Variants in TMEM82 observed in about 807,000 individuals in gnomAD.
TMEM82 encodes the protein transmembrane protein 82.
In TMEM82, 30 loss-of-function variants were observed where a neutral mutation model predicts 29.2. That is an observed-to-expected ratio of 1.03 (90% confidence interval 0.77 to 1.39). TMEM82 has a LOEUF of 1.39. TMEM82 is among the 40% of genes most tolerant of loss of function. The probability of loss-of-function intolerance (pLI) is 0.00; values close to 1 mark genes in which losing one functional copy is unlikely to be tolerated. For missense variants in TMEM82, 442 were observed against 447.7 expected (o/e 0.99, Z 0.12); for synonymous variants, 221 against 225.4 (o/e 0.98, Z 0.18).
Position 15,747,903 on chromosome 1 carries a change from G to T in TMEM82, c.*271G>T. The T allele has an allele frequency of 2.5e-6, 1 of 396,212 alleles. No homozygotes were observed. Among genetic ancestry groups the T allele is most frequent in the Non-Finnish European group, 4.5e-6 (1 of 222,300 alleles). 24.5% of individuals were successfully genotyped at this position (396,212 alleles called of 1,614,324 possible). ...GACCTGCCTTCCTGGGCAGGGGTGGGGGTGCATCCTCAGGAGGGCTCCCCC... is the reference window on the plus strand; with the variant it reads ...GACCTGCCTTCCTGGGCAGGGGTGGTGGTGCATCCTCAGGAGGGCTCCCCC... On this transcript the variant is annotated 3_prime_UTR_variant, in exon 6 of 6. Coordinates refer to ENST00000375782, the MANE Select transcript of TMEM82 (RefSeq NM_001013641.3).
chr1:15,747,678 G>A lies in TMEM82; in HGVS notation c.*46G>A. On this transcript the variant is annotated 3_prime_UTR_variant, in exon 6 of 6. Coordinates refer to ENST00000375782, the MANE Select transcript of TMEM82 (RefSeq NM_001013641.3). Reference sequence around the variant, plus strand: ...GAGTCTGTCTCAAGCCCACTAGCCTGATCTCCGAGGCCTTGACCCCAGGGC... The same window carrying A: ...GAGTCTGTCTCAAGCCCACTAGCCTAATCTCCGAGGCCTTGACCCCAGGGC... The A allele has an allele frequency of 1.3e-6, 2 of 1,545,214 alleles. No individual in the cohort carries two copies. The highest frequency in any genetic ancestry group is 8.9e-7 in the Non-Finnish European group (1 of 1,121,492).
chr1:15,742,988 C>A, intron 2 of TMEM82, 32 bp from the exon 3 acceptor site: 1 of 1,599,956 alleles, frequency 6.3e-7, no homozygotes, highest in African/African-American at 1.3e-5. Context: ...GGCAGTTCTG[C>A]ACCCCTGCCC....
At position 15,744,223 on chromosome 1, in the gene TMEM82, G is replaced by C. The variant is rs369364468; in HGVS notation, c.400G>C (p.Gly134Arg). The C allele has an allele frequency of 1.3e-6, 2 of 1,589,888 alleles. No homozygotes were observed. Among genetic ancestry groups the C allele is most frequent in the East Asian group, 2.3e-5 (1 of 44,272 alleles). Residue 134 changes from glycine (G) to arginine (R), a missense_variant, in exon 4 of 6, where the codon GGG becomes CGG. By Grantham distance (125) the Gly-to-Arg change is moderately radical (BLOSUM62 -2). Coordinates refer to ENST00000375782, the MANE Select transcript of TMEM82 (RefSeq NM_001013641.3). This position sits in a 1 kb window ranked among gnomAD's most constrained non-coding sequence, Gnocchi z 5.2. ...GCTGTGCCAGTACTCGCTGGGCTGC[G>C]GGCTGACCTGTGGCCTGAGCTTCCT... is the stretch of plus-strand genomic sequence containing the variant. Reference protein sequence around the residue: ...YLLCQYSLGCGLTCGLSFLQE... With the variant: ...YLLCQYSLGCRLTCGLSFLQE...
rs2068322420 is a variant in TMEM82 at position 15,744,801 on chromosome 1, T to C, written c.757+221T>C. 6.6e-6 allele frequency among the ~76,000 whole-genome samples: 1 copy of C among 152,144 alleles called. No homozygotes were observed. Among genetic ancestry groups the C allele is most frequent in the Non-Finnish European group, 1.5e-5 (1 of 68,030 alleles). ...CTTTGAAGGATGAGCAGGAGATCCC[T>C]AAGAGAAGCGAGGCAGGGAACAGAA... On this transcript the variant is annotated intron_variant, in intron 4 of 5. Transcript: ENST00000375782. The surrounding 1 kb of genome is among the most constrained non-coding windows in gnomAD (Gnocchi z 5.2).
chr1:15,742,733 C>T (rs575806417), intron 1 of TMEM82, 86 bp downstream of exon 1: 73 of 1,515,598 alleles, frequency 4.8e-5, no homozygotes, highest in African/African-American at 3.8e-4. Context: ...CCTGGTCTCC[C>T]GACACCCCTG....
At position 15,742,551 on chromosome 1, in the gene TMEM82, G is replaced by C; in HGVS notation, c.-9G>C. 6.4e-7 allele frequency: 1 copy of C among 1,570,388 alleles called. No individual in the cohort carries two copies. The highest frequency in any genetic ancestry group is 8.6e-7 in the Non-Finnish European group (1 of 1,161,500). The stretch of plus-strand genomic sequence containing the variant: ...CTGGCCGGAGGCTGGGGCTCCTTCC[G>C]GGGCTGCCATGTTCTCTCTTCCATC... On this transcript the variant is annotated 5_prime_UTR_variant, in exon 1 of 6. Transcript: ENST00000375782.
chr1:15,743,145 T>A lies in TMEM82; in HGVS notation c.287T>A (p.Val96Glu), dbSNP rs1210768159. Reference sequence around the variant, plus strand: ...GGGTCCCGGGTGGCTGCCCTCGTGGTGCTCGAGTTCTCCCTCCGGGCCGTG... The same window carrying A: ...GGGTCCCGGGTGGCTGCCCTCGTGGAGCTCGAGTTCTCCCTCCGGGCCGTG... The part of the protein sequence containing the change: ...VVGSRVAALV[V>E]LEFSLRAVST... Residue 96 changes from valine to glutamate, a missense_variant, in exon 3 of 6, where the codon GTG (valine) becomes GAG (glutamate). Physicochemically the swap from Val to Glu is moderately radical, Grantham distance 121. Transcript: ENST00000375782. The A allele has an allele frequency of 6.2e-7, 1 of 1,611,560 alleles. No individual in the cohort carries two copies. Among genetic ancestry groups the A allele is most frequent in the Non-Finnish European group, 8.5e-7 (1 of 1,179,896 alleles).
intron 5 of TMEM82, 111 bp downstream of exon 5, chr1:15,747,165 A>T: frequency 1.7e-6 from 2 of 1,153,456 alleles, no homozygotes; most frequent in Non-Finnish European, 2.4e-6. Context: ...GGTCTCTCAC[A>T]CCTGTAATCC....
rs148343257 is a variant in TMEM82 at position 15,744,272 on chromosome 1, C to A, written c.449C>A (p.Thr150Lys). 20 of 1,561,888 alleles carry A rather than the reference C, an allele frequency of 1.3e-5. No individual in the cohort carries two copies. The highest frequency in any genetic ancestry group is 1.6e-5 in the Non-Finnish European group (19 of 1,158,510). Residue 150 changes from threonine to lysine, a missense_variant, in exon 4 of 6, where the codon ACG (threonine) becomes AAG (lysine). Physicochemically the swap from Thr to Lys is moderately conservative, Grantham distance 78 (BLOSUM62 -1). Transcript: ENST00000375782. The surrounding 1 kb of genome is among the most constrained non-coding windows in gnomAD (Gnocchi z 5.2). ...CTGCAGGAGGGCGCCCCTCACCGCA[C>A]GCTGAACCTGCTGCTGAGCCTCGGG... ...SFLQEGAPHR[T>K]LNLLLSLGLA...
At chr1:15,747,501 G>A in intron 5 of TMEM82, 45 bp from the exon 6 acceptor site, 2 of 1,562,954 alleles carry the variant, frequency 1.3e-6, no homozygotes, top group Middle Eastern at 3.4e-4. Flanking sequence ...AGGCCCGCAG[G>A]GGGATGGGTG....
chr1:15,747,000 C>T lies in TMEM82; in HGVS notation c.891C>T (p.Gly297=), dbSNP rs148968885. The change falls in exon 5 of 6, where the codon GGC becomes GGT. Residue 297 remains glycine (G), a synonymous_variant. Transcript: ENST00000375782. ...TGGGCATCCTTGTCTCCCTACTGGG[C>T]GAGCTCTGGTGTCTCGTGGGCGTCC... The part of the protein sequence containing the change: ...DLLGILVSLL[G]ELWCLVGVRT... 2.0e-4 allele frequency: 318 copies of T among 1,612,296 alleles called. No individual in the cohort carries two copies. The African/African-American group carries it at 2.5e-3, about 13-fold the overall frequency.
At chr1:15,746,076 C>T (rs1225863182) in intron 4 of TMEM82, among the ~76,000 whole-genome samples, 1 of 151,296 alleles carries the variant, frequency 6.6e-6, no homozygotes, top group Non-Finnish European at 1.5e-5. Flanking sequence ...GAGTCTTGCT[C>T]TGTCGCCCAG....
intron 4 of TMEM82, among the ~76,000 whole-genome samples, chr1:15,746,385 C>G (rs1388755867): frequency 6.8e-6 from 1 of 148,128 alleles, no homozygotes; most frequent in African/African-American, 2.5e-5. Flanking sequence ...TGCACTCCAG[C>G]CTGGGCGACA....
At position 15,744,213 on chromosome 1, in the gene TMEM82, G is replaced by A. The variant is rs375827855; in HGVS notation, c.390G>A (p.Ser130=). ...AGCTCTACCTGCTGTGCCAGTACTC[G>A]CTGGGCTGCGGGCTGACCTGTGGCC... ...RLQLYLLCQY[S]LGCGLTCGLS... Residue 130 remains serine, a synonymous_variant, in exon 4 of 6, where the codon TCG becomes TCA. Coordinates refer to ENST00000375782, the MANE Select transcript of TMEM82 (RefSeq NM_001013641.3). The surrounding 1 kb of genome is among the most constrained non-coding windows in gnomAD (Gnocchi z 5.2). 17 of 1,590,788 alleles carry A rather than the reference G, an allele frequency of 1.1e-5. No homozygotes were observed. In the African/African-American group the frequency reaches 1.6e-4, roughly 15 times the overall value.
chr1:15,742,702 G>A lies in TMEM82; in HGVS notation c.88+55G>A, dbSNP rs1389013570. On this transcript the variant is annotated intron_variant, in intron 1 of 5. Transcript: ENST00000375782. Reference sequence around the variant, plus strand: ...CCCCGCCCCCTTCCAGCTCTTTGCAGTGCAGGGTGGACCCCACCCACCTGG... The same window carrying A: ...CCCCGCCCCCTTCCAGCTCTTTGCAATGCAGGGTGGACCCCACCCACCTGG... The A allele has an allele frequency of 2.1e-5, 33 of 1,554,440 alleles. 2 individuals carry two copies. The South Asian group carries it at 3.7e-4, about 18-fold the overall frequency.
In TMEM82 at chr1:15,747,678, G is replaced by T. The variant is rs779553953; in HGVS notation, c.*46G>T. Reference sequence around the variant, plus strand: ...GAGTCTGTCTCAAGCCCACTAGCCTGATCTCCGAGGCCTTGACCCCAGGGC... The same window carrying T: ...GAGTCTGTCTCAAGCCCACTAGCCTTATCTCCGAGGCCTTGACCCCAGGGC... On this transcript the variant is annotated 3_prime_UTR_variant, in exon 6 of 6. Transcript: ENST00000375782. 30 of 1,545,214 alleles carry T rather than the reference G, an allele frequency of 1.9e-5. No homozygotes were observed. The highest frequency in any genetic ancestry group is 2.6e-5 in the Non-Finnish European group (29 of 1,121,492).
chr1:15,743,986 CCA>C (rs2068313444), intron 3 of TMEM82, among the ~76,000 whole-genome samples, 172 bp from the exon 4 acceptor site: 1 of 151,786 alleles, frequency 6.6e-6, no homozygotes, highest in Non-Finnish European at 1.5e-5. Context: ...AAAACAAAAC[CCA>C]TATGATTGAA....
chr1:15,743,024 C>G lies in TMEM82; in HGVS notation c.166C>G (p.Pro56Ala). The change falls in exon 3 of 6, where the codon CCG (proline) becomes GCG (alanine). Residue 56 changes from proline to alanine, a missense_variant. Coordinates refer to ENST00000375782, the MANE Select transcript of TMEM82 (RefSeq NM_001013641.3). ...ACACCCATTCTGTCCCCAAAGTGAC[C>G]CGCAGCGGCGACCCGAAAAGGAGCG... Reference protein sequence around the residue: ...VYFFVGCANDPQRRPEKERLR... With the variant: ...VYFFVGCANDAQRRPEKERLR... 6.3e-7 allele frequency: 1 copy of G among 1,597,926 alleles called. No homozygotes were observed. The highest frequency in any genetic ancestry group is 8.5e-7 in the Non-Finnish European group (1 of 1,171,744).
Position 15,744,034 on chromosome 1 carries a change from C to A in TMEM82, c.337-126C>A. Reference sequence around the variant, plus strand: ...GAGAGATGATCCCCTAGGGCTTCATCTGAAGCCGATGTGGCCCCTTCGGGA... The same window carrying A: ...GAGAGATGATCCCCTAGGGCTTCATATGAAGCCGATGTGGCCCCTTCGGGA... On this transcript the variant is annotated intron_variant, in intron 3 of 5. Transcript: ENST00000375782. The surrounding 1 kb of genome is among the most constrained non-coding windows in gnomAD (Gnocchi z 5.2). 1 of 889,532 alleles carries A rather than the reference C, an allele frequency of 1.1e-6. No homozygotes were observed. The highest frequency in any genetic ancestry group is 1.8e-5 in the South Asian group (1 of 54,890). The allele number at this position is 889,532 out of a possible 1,614,324, so 55.1% of individuals were successfully genotyped here.
Sources: allele counts gnomAD v4.1 joint callset (sites outside exome capture counted in the v4.1 genomes callset), GRCh38; gene constraint gnomAD v4.1.1; non-coding constraint Gnocchi (gnomAD v3.1); transcripts MANE v1.5; gene names NCBI Gene and HGNC (gene_info 2026-07-23, HGNC 2026-07-21).